Variants in ITGB4 observed in about 807,000 individuals in gnomAD.
ITGB4 encodes integrin subunit beta 4.
ITGB4 carries 159 observed loss-of-function variants against 207.6 expected under a neutral mutation model. The ratio of observed to expected loss-of-function variants is 0.77; its 90% CI spans 0.67 to 0.87. The LOEUF (loss-of-function observed/expected upper bound fraction) is 0.87. Among genes scored for constraint, ITGB4 ranks in the 40% least tolerant of loss-of-function variants. The pLI is 0.00. For missense variants in ITGB4, 2,278 were observed against 2,546.8 expected (o/e 0.89, Z 2.27); for synonymous variants, 1,020 against 1,062.7 (o/e 0.96, Z 0.78).
chr17:75,733,372 C>T (rs367995215), intron 12 of ITGB4, 118 bp from the exon 13 acceptor site: 64 of 811,104 alleles, frequency 7.9e-5, no homozygotes, highest in African/African-American at 6.9e-4. Context: ...GGCGACAAGG[C>T]GAGACTCCGT....
rs765880434 is a variant in ITGB4, at chr17:75,732,127, C to A, written c.1378-36C>A. The A allele has an allele frequency of 1.2e-6, 2 of 1,612,824 alleles. No individual in the cohort carries two copies. The highest frequency in any genetic ancestry group is 2.2e-5 in the South Asian group (2 of 91,046). ...GTGTCCAGTGGCCCCGGTCCTGCTC[C>A]CCCGACGCACCCCACCATGGTCTCT... On this transcript the variant is annotated intron_variant, in intron 11 of 39. Transcript: ENST00000200181. This position sits in a 1 kb window ranked among gnomAD's most constrained non-coding sequence, Gnocchi z 5.3.
rs1232969827 is a variant in ITGB4, at chr17:75,750,342, G to T, written c.3474+74G>T. On this transcript the variant is annotated intron_variant, in intron 28 of 39. Transcript: ENST00000200181. The surrounding 1 kb of genome is among the most constrained non-coding windows in gnomAD (Gnocchi z 5.5). ...CCAGCACTCACAGAAGAGGTGGGCC[G>T]TCCAAGGCCAGGGCCCCCTGAGAGA... 6 of 1,490,860 alleles carry T rather than the reference G, an allele frequency of 4.0e-6. No homozygotes were observed. Among genetic ancestry groups the T allele is most frequent in the Non-Finnish European group, 5.4e-6 (6 of 1,101,150 alleles). 92.4% of individuals were successfully genotyped at this position (1,490,860 alleles called of 1,614,324 possible). A position where few individuals can be genotyped will look rare whatever the true frequency, so the allele number is the denominator to read the frequency against.
rs951534125 is a variant in ITGB4, at chr17:75,722,804, G to A, written c.-11+1192G>A. On this transcript the variant is annotated intron_variant, in intron 1 of 39. Coordinates refer to ENST00000200181, the MANE Select transcript of ITGB4 (RefSeq NM_000213.5). This position sits in a 1 kb window ranked among gnomAD's most constrained non-coding sequence, Gnocchi z 6.2. ...GTGTGTGTGTGTGTCCCTGTGGGGG[G>A]GAAACTGCCTGTGCTGCAGTGTGAT... Among the ~76,000 whole-genome samples, 4 of 145,908 alleles carry A rather than the reference G, an allele frequency of 2.7e-5. No homozygotes were observed. Among genetic ancestry groups the A allele is most frequent in the African/African-American group, 2.5e-5 (1 of 39,470 alleles).
Position 75,727,373 on chromosome 17 carries a change from G to A in ITGB4, c.163-31G>A. The A allele has an allele frequency of 6.2e-7, 1 of 1,612,966 alleles. No individual in the cohort carries two copies. The highest frequency in any genetic ancestry group is 8.5e-7 in the Non-Finnish European group (1 of 1,179,046). The stretch of plus-strand genomic sequence containing the variant: ...TTGGGGCAGCCAGGGAATGGGTGCT[G>A]CCCCCAGTGACCCCCTGTCCTTCTG... On this transcript the variant is annotated intron_variant, in intron 3 of 39. Coordinates refer to ENST00000200181, the MANE Select transcript of ITGB4 (RefSeq NM_000213.5). This position sits in a 1 kb window ranked among gnomAD's most constrained non-coding sequence, Gnocchi z 6.0.
At chr17:75,725,146 A>G (rs1051644757) in intron 2 of ITGB4, among the ~76,000 whole-genome samples, 11 of 152,178 alleles carry the variant, frequency 7.2e-5, no homozygotes, top group Admixed American at 7.2e-4. Context: ...TCTGAGTGTC[A>G]CTAGTGGACA....
intron 14 of ITGB4, 39 bp from the exon 15 acceptor site, chr17:75,736,248 TG>T: frequency 6.2e-7 from 1 of 1,603,372 alleles, no homozygotes; most frequent in Non-Finnish European, 8.5e-7. Flanking sequence ...CAGGCAGGGA[TG>T]GGGCACAGCT....
chr17:75,731,379 G>T lies in ITGB4; in HGVS notation c.1215+11G>T. 6.2e-7 allele frequency: 1 copy of T among 1,608,546 alleles called. No individual in the cohort carries two copies. The highest frequency in any genetic ancestry group is 1.1e-5 in the South Asian group (1 of 90,948). The stretch of plus-strand genomic sequence containing the variant: ...CGGCGGGGGGAAGTGGTACGCCTCT[G>T]TGGGGGCAGCGGGGTGGGGGATAGG... On this transcript the variant is annotated intron_variant, in intron 10 of 39. Transcript: ENST00000200181. This position sits in a 1 kb window ranked among gnomAD's most constrained non-coding sequence, Gnocchi z 6.8.
chr17:75,731,029 G>A lies in ITGB4; in HGVS notation c.1092+65G>A. Reference sequence around the variant, plus strand: ...GGCAGGGCAGGAAGTGGGCAGGGTGGGCAAGAGGTGTCTTGGATCACGGTG... The same window carrying A: ...GGCAGGGCAGGAAGTGGGCAGGGTGAGCAAGAGGTGTCTTGGATCACGGTG... On this transcript the variant is annotated intron_variant, in intron 9 of 39. Transcript: ENST00000200181. The surrounding 1 kb of genome is among the most constrained non-coding windows in gnomAD (Gnocchi z 6.8). 1 of 1,483,116 alleles carries A rather than the reference G, an allele frequency of 6.7e-7. No individual in the cohort carries two copies. The highest frequency in any genetic ancestry group is 1.7e-5 in the Admixed American group (1 of 59,634). 91.9% of individuals were successfully genotyped at this position (1,483,116 alleles called of 1,614,324 possible).
At position 75,752,268 on chromosome 17, in the gene ITGB4, C is replaced by T. The variant is rs747643344; in HGVS notation, c.3888C>T (p.Tyr1296=). The T allele has an allele frequency of 1.9e-6, 3 of 1,613,534 alleles. No individual in the cohort carries two copies. The highest frequency in any genetic ancestry group is 1.3e-5 in the African/African-American group (1 of 75,068). The change falls in exon 31 of 40, where the codon TAC becomes TAT. Residue 1296 remains tyrosine, a synonymous_variant. Transcript: ENST00000200181. ...TTCGGGAGTCCCAGCCCTACCGCTA[C>T]ACGGTGAAGGCGCGCAACGGGGCCG... The part of the protein sequence containing the change: ...ENLRESQPYR[Y]TVKARNGAGW...
At chr17:75,733,743 G>A (rs2060915564) in intron 13 of ITGB4, 51 bp downstream of exon 13, 1 of 1,577,100 alleles carries the variant, frequency 6.3e-7, no homozygotes, top group East Asian at 2.2e-5. Context: ...GGAGTGGACA[G>A]CAAGCATGAC....
chr17:75,750,725 C>T lies in ITGB4; in HGVS notation c.3520C>T (p.Leu1174Phe). Residue 1174 changes from leucine (L) to phenylalanine (F), a missense_variant, in exon 29 of 40, where the codon CTC becomes TTC. Physicochemically the swap from Leu to Phe is conservative, Grantham distance 22 (BLOSUM62 0). Transcript: ENST00000200181. This position sits in a 1 kb window ranked among gnomAD's most constrained non-coding sequence, Gnocchi z 5.5. ...QGDSESEAHLLDSKVPSVELT... is the reference protein window; with the variant it reads ...QGDSESEAHLFDSKVPSVELT... Reference sequence around the variant, plus strand: ...TGACTCCGAATCCGAAGCCCACCTGCTCGACAGCAAGGTGCCCTCAGTGGA... The same window carrying T: ...TGACTCCGAATCCGAAGCCCACCTGTTCGACAGCAAGGTGCCCTCAGTGGA... 1 of 1,613,504 alleles carries T rather than the reference C, an allele frequency of 6.2e-7. No individual in the cohort carries two copies. Among genetic ancestry groups the T allele is most frequent in the Non-Finnish European group, 8.5e-7 (1 of 1,180,016 alleles).
Position 75,753,762 on chromosome 17 carries a change from A to G in ITGB4, c.4109-3A>G. ...GCCAACGCGGCCCTTCGTTGTTCCC[A>G]AGGCTGCGGCTGGAAGTTCGAGCCC... is the stretch of plus-strand genomic sequence containing the variant. On this transcript the variant is annotated splice_region_variant and splice_polypyrimidine_tract_variant and intron_variant, in intron 32 of 39. Coordinates refer to ENST00000200181, the MANE Select transcript of ITGB4 (RefSeq NM_000213.5). The G allele has an allele frequency of 7.0e-7, 1 of 1,437,768 alleles. No homozygotes were observed. Among genetic ancestry groups the G allele is most frequent in the Non-Finnish European group, 9.1e-7 (1 of 1,096,976 alleles). The allele number at this position is 1,437,768 out of a possible 1,614,324, so 89.1% of individuals were successfully genotyped here.
At position 75,739,740 on chromosome 17, in the gene ITGB4, C is replaced by T. The variant is rs1248283783; in HGVS notation, c.2254+35C>T. 3 of 1,613,874 alleles carry T rather than the reference C, an allele frequency of 1.9e-6. No homozygotes were observed. On this transcript the variant is annotated intron_variant, in intron 19 of 39. Transcript: ENST00000200181. This position sits in a 1 kb window ranked among gnomAD's most constrained non-coding sequence, Gnocchi z 5.4. The stretch of plus-strand genomic sequence containing the variant: ...TGGCATCGCAGGGGCAGCAGGGGCT[C>T]TGACTGCTCTTTCTCTGAGCTGGGG...
Position 75,727,564 on chromosome 17 carries a change from G to A in ITGB4, c.264+59G>A. 4 of 1,595,206 alleles carry A rather than the reference G, an allele frequency of 2.5e-6. No homozygotes were observed. The Admixed American group carries it at 5.2e-5, about 21-fold the overall frequency. Reference sequence around the variant, plus strand: ...CATGCTCAGCCTGGCTATTTATGGGGGTGTATAGTGCCCCTTGGCCGGGCT... The same window carrying A: ...CATGCTCAGCCTGGCTATTTATGGGAGTGTATAGTGCCCCTTGGCCGGGCT... On this transcript the variant is annotated intron_variant, in intron 4 of 39. Transcript: ENST00000200181. This position sits in a 1 kb window ranked among gnomAD's most constrained non-coding sequence, Gnocchi z 6.0.
At chr17:75,734,141 T>TG (rs2060925514) in intron 13 of ITGB4, among the ~76,000 whole-genome samples, 2 of 143,010 alleles carry the variant, frequency 1.4e-5, no homozygotes, top group African/African-American at 5.3e-5. Flanking sequence ...TTTTTTTTTT[T>TG]TTTTTTTTTT....
intron 26 of ITGB4, among the ~76,000 whole-genome samples, chr17:75,745,198 G>A (rs1291806531): frequency 3.3e-5 from 5 of 152,106 alleles, no homozygotes; most frequent in Non-Finnish European, 7.4e-5. Flanking sequence ...TTCAAGACCA[G>A]CCTAGGCAAC....
At chr17:75,741,291 G>A (rs369757329) in intron 23 of ITGB4, among the ~76,000 whole-genome samples, 17 of 152,090 alleles carry the variant, frequency 1.1e-4, no homozygotes, top group Admixed American at 3.3e-4. Flanking sequence ...CGGTACCAGC[G>A]ATAGCAGGTA....
In ITGB4 at chr17:75,739,782, C is replaced by G; in HGVS notation, c.2254+77C>G. The stretch of plus-strand genomic sequence containing the variant: ...GAGCTGGGGTGGAGGGAAGCTGAAC[C>G]TGGAACGGCAGAGGCTGGAGGCTCT... On this transcript the variant is annotated intron_variant, in intron 19 of 39. Coordinates refer to ENST00000200181, the MANE Select transcript of ITGB4 (RefSeq NM_000213.5). This position sits in a 1 kb window ranked among gnomAD's most constrained non-coding sequence, Gnocchi z 5.4. The G allele has an allele frequency of 1.2e-5, 19 of 1,610,808 alleles. No homozygotes were observed. Among genetic ancestry groups the G allele is most frequent in the Non-Finnish European group, 1.4e-5 (17 of 1,177,194 alleles).
At chr17:75,737,280 G>A in intron 16 of ITGB4, 42 bp from the exon 17 acceptor site, 2 of 1,575,028 alleles carry the variant, frequency 1.3e-6, no homozygotes, top group Non-Finnish European at 8.6e-7. Context: ...CTGGGGCGGA[G>A]GGGTGTGGCT....
Sources: gnomAD v4.1 joint callset for allele counts (sites outside exome capture counted in the v4.1 genomes callset) on GRCh38, gnomAD v4.1.1 for gene constraint, Gnocchi (gnomAD v3.1) non-coding constraint, MANE v1.5 for transcripts, NCBI Gene and HGNC (gene_info 2026-07-23, HGNC 2026-07-21) for gene names.